Variants in TASP1 observed in about 807,000 individuals in gnomAD.
TASP1 encodes the protein threonine aspartase 1.
TASP1 carries 16 observed loss-of-function variants against 56.6 expected under a neutral mutation model. The ratio of observed to expected loss-of-function variants is 0.28; its 90% confidence interval spans 0.19 to 0.43. TASP1 has a LOEUF of 0.43. TASP1 is among the 20% of genes least tolerant of loss of function. The pLI is 1.00. For synonymous variants in TASP1, 179 were observed against 184.2 expected (o/e 0.97, Z 0.23); for missense variants, 393 against 511.6 (o/e 0.77, Z 2.24).
chr20:13,567,496 T>C (rs2046574175), intron 7 of TASP1, among the ~76,000 whole-genome samples: 1 of 152,128 alleles, frequency 6.6e-6, no homozygotes, highest in South Asian at 2.1e-4. Flanking sequence ...AATTTTCTTT[T>C]AATTTCTCCA....
At chr20:13,393,890 T>C (rs1186875955) in intron 13 of TASP1, among the ~76,000 whole-genome samples, 2 of 147,478 alleles carry the variant, frequency 1.4e-5, no homozygotes, top group Non-Finnish European at 3.0e-5. Flanking sequence ...AAAAAAAAGG[T>C]GTGGGGGGGA....
chr20:13,436,458 C>T (rs2043007163), intron 11 of TASP1, among the ~76,000 whole-genome samples: 1 of 151,844 alleles, frequency 6.6e-6, no homozygotes, highest in African/African-American at 2.4e-5. Context: ...TACAGAAAAA[C>T]TTTGCCAACT....
chr20:13,123,683 T>C, the TASP1 span, among the ~76,000 whole-genome samples: 4 of 152,220 alleles, frequency 2.6e-5, no homozygotes, highest in Non-Finnish European at 2.9e-5. Context: ...CTCCATTCTA[T>C]GCCCATAAGA....
the TASP1 span, among the ~76,000 whole-genome samples, chr20:13,171,213 A>T: frequency 1.3e-5 from 2 of 152,154 alleles, no homozygotes; most frequent in Non-Finnish European, 2.9e-5. Flanking sequence ...TGTCCATCTC[A>T]ATTTTATATA....
intron 10 of TASP1, among the ~76,000 whole-genome samples, chr20:13,519,934 C>T (rs1255668521): frequency 1.3e-5 from 2 of 152,164 alleles, no homozygotes; most frequent in Non-Finnish European, 1.5e-5. Context: ...TCTCAGGATA[C>T]AAAATCAATG....
the TASP1 span, among the ~76,000 whole-genome samples, chr20:13,190,032 A>G: frequency 3.3e-5 from 5 of 152,202 alleles, no homozygotes; most frequent in African/African-American, 7.2e-5. Flanking sequence ...CCATTATTCT[A>G]CATGAATTAA....
intron 4 of TASP1, among the ~76,000 whole-genome samples, chr20:13,597,728 G>C (rs149025249): frequency 0.028 from 4,320 of 152,222 alleles, 219 homozygotes; most frequent in African/African-American, 0.096. Context: ...ATTAGGAAAA[G>C]AAGAAGTCAA....
At chr20:13,211,017 T>A in the TASP1 span, among the ~76,000 whole-genome samples, 1 of 150,904 alleles carries the variant, frequency 6.6e-6, no homozygotes, top group Non-Finnish European at 1.5e-5. Context: ...CTCATTAAGA[T>A]TATTATCTAA....
the TASP1 span, among the ~76,000 whole-genome samples, chr20:13,124,052 A>G: frequency 6.6e-6 from 1 of 152,190 alleles, no homozygotes; most frequent in Admixed American, 6.5e-5. Flanking sequence ...CTTTCCGGAT[A>G]CCCTGTGGCT....
chr20:13,516,731 C>T (rs1202966664), intron 10 of TASP1, among the ~76,000 whole-genome samples: 1 of 141,738 alleles, frequency 7.1e-6, no homozygotes, highest in Non-Finnish European at 1.5e-5. Flanking sequence ...TTTCACAAAA[C>T]AACAACAAAG....
At chr20:13,490,877 A>C (rs2043502547) in intron 10 of TASP1, among the ~76,000 whole-genome samples, 1 of 152,162 alleles carries the variant, frequency 6.6e-6, no homozygotes, top group Non-Finnish European at 1.5e-5. Context: ...AAAATGAGAA[A>C]AATCACATAA....
chr20:13,356,019 C>T, the TASP1 span, among the ~76,000 whole-genome samples: 1 of 152,218 alleles, frequency 6.6e-6, no homozygotes, highest in Non-Finnish European at 1.5e-5. Context: ...TTACAGTCAT[C>T]TGCTATTACA....
chr20:13,471,154 A>C (rs919734873), intron 11 of TASP1, among the ~76,000 whole-genome samples: 10 of 152,212 alleles, frequency 6.6e-5, no homozygotes, highest in Non-Finnish European at 2.9e-5. Flanking sequence ...CATAAACCAG[A>C]GTAGGAGGGC....
the TASP1 span, among the ~76,000 whole-genome samples, chr20:13,213,399 C>A: frequency 2.0e-5 from 3 of 152,034 alleles, no homozygotes; most frequent in African/African-American, 7.3e-5. Flanking sequence ...GACTTGCTCC[C>A]CAAAACAAAG....
chr20:13,265,264 C>T, the TASP1 span, among the ~76,000 whole-genome samples: 51 of 152,246 alleles, frequency 3.3e-4, no homozygotes, highest in Non-Finnish European at 5.7e-4. Context: ...CGTTTACAAG[C>T]CTTTTTTATT....
intron 6 of TASP1, among the ~76,000 whole-genome samples, chr20:13,571,818 C>G (rs1466790999): frequency 6.6e-6 from 1 of 152,174 alleles, no homozygotes; most frequent in Non-Finnish European, 1.5e-5. Context: ...CTCTTACCTC[C>G]TTGTGTACTC....
chr20:13,253,195 T>C, the TASP1 span, among the ~76,000 whole-genome samples: 2 of 152,182 alleles, frequency 1.3e-5, 1 homozygote, highest in Admixed American at 1.3e-4. Flanking sequence ...CAGTTCATCC[T>C]CCACCTTCAG....
chr20:13,390,620 C>G (rs964237783), intron 13 of TASP1, among the ~76,000 whole-genome samples, 168 bp from the exon 14 acceptor site: 2 of 152,140 alleles, frequency 1.3e-5, no homozygotes, highest in Non-Finnish European at 2.9e-5. Flanking sequence ...ACTGAAAGAT[C>G]GTTTGTTCAA....
chr20:13,311,919 G>A, the TASP1 span, among the ~76,000 whole-genome samples: 2 of 152,026 alleles, frequency 1.3e-5, no homozygotes, highest in Non-Finnish European at 2.9e-5. Context: ...GAAAATTGCT[G>A]AGAGTCTATT....
Sources: allele counts gnomAD v4.1 joint callset (sites outside exome capture counted in the v4.1 genomes callset), GRCh38; gene constraint gnomAD v4.1.1; transcripts MANE v1.5; gene names NCBI Gene and HGNC (gene_info 2026-07-23, HGNC 2026-07-21).